The following PIEZO1 variants were observed in gnomAD, a reference collection of about 807,000 sequenced individuals.
PIEZO1 encodes piezo type mechanosensitive ion channel component 1 (Er blood group).
PIEZO1 carries 296 observed loss-of-function variants against 297.2 expected under a neutral mutation model. The ratio of observed to expected loss-of-function variants is 1.00; its 90% CI spans 0.91 to 1.10. The LOEUF (loss-of-function observed/expected upper bound fraction) is 1.10. PIEZO1 is among the 50% of genes least tolerant of loss of function. PIEZO1 has a pLI of 0.00. For missense variants in PIEZO1, 5,018 were observed against 3,455.5 expected, an observed-to-expected ratio of 1.45 and a Z score of -11.34; for synonymous variants, 2,427 against 1,507.5, an observed-to-expected ratio of 1.61 and a Z score of -14.13.
chr16:88,725,443 C>T lies in PIEZO1; in HGVS notation c.4135G>A (p.Gly1379Ser). The change falls in exon 29 of 51, where the codon GGC becomes AGC. Residue 1379 changes from glycine to serine, a missense_variant. Gly to Ser is a moderately conservative substitution (Grantham distance 56). Coordinates refer to ENST00000301015, the MANE Select transcript of PIEZO1 (RefSeq NM_001142864.4). ...VDRSRPQDTL[G>S]PKDPGLEPGP... Reference sequence around the variant, plus strand: ...GGCTCCAGGCCGGGGTCCTTGGGGCCCAGGGTGTCCTGGGGGCGACTGCGG... The same window carrying T: ...GGCTCCAGGCCGGGGTCCTTGGGGCTCAGGGTGTCCTGGGGGCGACTGCGG... 6.8e-7 allele frequency: 1 copy of T among 1,481,346 alleles called. No homozygotes were observed. The highest frequency in any genetic ancestry group is 9.0e-7 in the Non-Finnish European group (1 of 1,113,492). 91.8% of individuals were successfully genotyped at this position (1,481,346 alleles called of 1,614,324 possible). A position where few individuals can be genotyped will look rare whatever the true frequency, so the allele number is the denominator to read the frequency against.
chr16:88,756,375 C>G (rs937988595), intron 1 of PIEZO1, among the ~76,000 whole-genome samples: 2 of 152,172 alleles, frequency 1.3e-5, no homozygotes, highest in Admixed American at 6.5e-5. Flanking sequence ...GCACTGGCCA[C>G]TGATGGGGCG....
chr16:88,778,589 C>T (rs938770193), intron 1 of PIEZO1, among the ~76,000 whole-genome samples: 2 of 152,224 alleles, frequency 1.3e-5, no homozygotes, highest in South Asian at 2.1e-4. Flanking sequence ...TGGCAGCGCC[C>T]GGCAGGACAG....
chr16:88,746,220 C>T (rs1427577451), intron 2 of PIEZO1, among the ~76,000 whole-genome samples: 1 of 152,112 alleles, frequency 6.6e-6, no homozygotes, highest in African/African-American at 2.4e-5. Context: ...CTACACAAGG[C>T]TGGCAGAGCC....
chr16:88,733,291 C>T lies in PIEZO1; in HGVS notation c.2651G>A (p.Ser884Asn). Residue 884 changes from serine (S) to asparagine (N), a missense_variant, in exon 19 of 51, where the codon AGC becomes AAC. Ser to Asn is a conservative substitution (Grantham distance 46). Coordinates refer to ENST00000301015, the MANE Select transcript of PIEZO1 (RefSeq NM_001142864.4). ...LKVVNPQEYS[S>N]NCTEPFPNST... ...GGGGGCCGGTACCTCGGTGCAGTTG[C>T]TGGAATACTCCTGGGGGTTGACAAC... 3 of 1,542,458 alleles carry T rather than the reference C, an allele frequency of 1.9e-6. No individual in the cohort carries two copies. The highest frequency in any genetic ancestry group is 2.6e-6 in the Non-Finnish European group (3 of 1,140,360).
chr16:88,765,316 G>A (rs1264323422), intron 1 of PIEZO1, among the ~76,000 whole-genome samples: 4 of 152,216 alleles, frequency 2.6e-5, no homozygotes, highest in Admixed American at 2.6e-4. Context: ...ACTCCCTTCA[G>A]AACCTTGCTT....
Position 88,726,578 on chromosome 16 carries a change from G to A in PIEZO1, c.3765C>T (p.Ser1255=), listed in dbSNP as rs747031341. The change falls in exon 26 of 51, where the codon AGC becomes AGT. Residue 1255 remains serine (S), a synonymous_variant. Coordinates refer to ENST00000301015, the MANE Select transcript of PIEZO1 (RefSeq NM_001142864.4). The part of the protein sequence containing the change: ...TGFCWVIQLF[S]LVCTVKGYYD... ...AGTAGCCCTTGACGGTGCATACAAG[G>A]CTGAAGAGCTGGATGACCCAGCAGA... The A allele has an allele frequency of 3.2e-6, 5 of 1,550,136 alleles. No individual in the cohort carries two copies. The East Asian group carries it at 7.3e-5, about 23-fold the overall frequency.
At chr16:88,729,526 A>G (rs1597452569) in intron 22 of PIEZO1, among the ~76,000 whole-genome samples, 6 of 129,426 alleles carry the variant, frequency 4.6e-5, no homozygotes, top group Non-Finnish European at 8.5e-5. Context: ...AACCCAGGAC[A>G]TGCTGAACCC....
chr16:88,743,871 T>C, intron 2 of PIEZO1: 2 of 321,042 alleles, frequency 6.2e-6, no homozygotes, highest in South Asian at 4.7e-5. Flanking sequence ...CTGTGGAGGA[T>C]GGGAGGGGTG....
At chr16:88,730,020 G>A (rs1238493035) in intron 22 of PIEZO1, among the ~76,000 whole-genome samples, 1 of 152,282 alleles carries the variant, frequency 6.6e-6, no homozygotes, top group Admixed American at 6.5e-5. Context: ...AGGGGAGCTG[G>A]CCTAGGTGAC....
In PIEZO1 at chr16:88,727,549, G is replaced by A. The variant is rs1012481497; in HGVS notation, c.3301+8C>T. On this transcript the variant is annotated splice_region_variant and intron_variant, in intron 23 of 50. Coordinates refer to ENST00000301015, the MANE Select transcript of PIEZO1 (RefSeq NM_001142864.4). ...TCTGCAGAGGCGGGGGTGGTGGGGG[G>A]CACTCACTGATGAGGTTGGTGGAGT... The A allele has an allele frequency of 5.3e-5, 64 of 1,198,978 alleles. No individual in the cohort carries two copies. Among genetic ancestry groups the A allele is most frequent in the Non-Finnish European group, 7.1e-5 (60 of 846,738 alleles). 74.3% of individuals were successfully genotyped at this position (1,198,978 alleles called of 1,614,324 possible).
At position 88,720,690 on chromosome 16, in the gene PIEZO1, T is replaced by C. The variant is rs945128273; in HGVS notation, c.5727A>G (p.Arg1909=). Residue 1909 remains arginine (R), a synonymous_variant, in exon 40 of 51, where the codon AGA becomes AGG. Transcript: ENST00000301015. The part of the protein sequence containing the change: ...GEEEKEAPTG[R]EKRPSRSGGR... ...CTCCAGAGCGGCTTGGCCTCTTCTCTCTCCCCGTGGGGGCCTCTTTCTCTT... is the reference window on the plus strand; with the variant it reads ...CTCCAGAGCGGCTTGGCCTCTTCTCCCTCCCCGTGGGGGCCTCTTTCTCTT... The C allele has an allele frequency of 1.3e-6, 2 of 1,541,772 alleles. No individual in the cohort carries two copies. The highest frequency in any genetic ancestry group is 1.7e-6 in the Non-Finnish European group (2 of 1,143,066).
chr16:88,732,593 G>C lies in PIEZO1; in HGVS notation c.2790+14C>G. The C allele has an allele frequency of 6.5e-7, 1 of 1,546,444 alleles. No individual in the cohort carries two copies. The highest frequency in any genetic ancestry group is 1.2e-5 in the South Asian group (1 of 83,868). ...TACTCGCCCGCCCAGCCGCCCACCAGCCCTTCAACTCACCTGGATGTAGCC... is the reference window on the plus strand; with the variant it reads ...TACTCGCCCGCCCAGCCGCCCACCACCCCTTCAACTCACCTGGATGTAGCC... On this transcript the variant is annotated intron_variant, in intron 20 of 50. Transcript: ENST00000301015.
chr16:88,770,846 A>T (rs1442246450), intron 1 of PIEZO1, among the ~76,000 whole-genome samples: 1 of 152,214 alleles, frequency 6.6e-6, no homozygotes, highest in Non-Finnish European at 1.5e-5. Flanking sequence ...GCTGGGCCTC[A>T]TGTCCTCACC....
rs1415722102 is a variant in PIEZO1 at position 88,734,870 on chromosome 16, G to C, written c.1848+5C>G. 6.5e-7 allele frequency: 1 copy of C among 1,549,930 alleles called. No homozygotes were observed. The highest frequency in any genetic ancestry group is 8.7e-7 in the Non-Finnish European group (1 of 1,146,766). ...CCCCAGCCCCCATCCCGGCCCCCCA[G>C]CCACCTGGAAGAGGGTGAGGCAGAG... is the stretch of plus-strand genomic sequence containing the variant. On this transcript the variant is annotated splice_donor_5th_base_variant and intron_variant, in intron 14 of 50. Coordinates refer to ENST00000301015, the MANE Select transcript of PIEZO1 (RefSeq NM_001142864.4).
At chr16:88,778,862 G>T (rs1368927203) in intron 1 of PIEZO1, among the ~76,000 whole-genome samples, 1 of 152,172 alleles carries the variant, frequency 6.6e-6, no homozygotes, top group Admixed American at 6.5e-5. Flanking sequence ...CGAGGCACAA[G>T]GCTGTGGCCC....
chr16:88,716,936 G>T (rs772858668), intron 45 of PIEZO1, 38 bp from the exon 46 acceptor site: 6 of 1,545,066 alleles, frequency 3.9e-6, no homozygotes, highest in Non-Finnish European at 4.4e-6. Flanking sequence ...ACGAAGATGA[G>T]CGTGGAGGAG....
rs1567666447 is a variant in PIEZO1 at position 88,726,815 on chromosome 16, C to T, written c.3599G>A (p.Gly1200Asp). Reference sequence around the variant, plus strand: ...TGTGTCCCTCTGCAGCAGGGCCGTGCCGAAGAGCAGCAGGTAGAAGCAGGC... The same window carrying T: ...TGTGTCCCTCTGCAGCAGGGCCGTGTCGAAGAGCAGCAGGTAGAAGCAGGC... ...LLACFYLLLF[G>D]TALLQRDTRA... Residue 1200 changes from glycine (G) to aspartate (D), a missense_variant, in exon 25 of 51, where the codon GGC (glycine) becomes GAC (aspartate). Gly to Asp is a moderately conservative substitution (Grantham distance 94). Coordinates refer to ENST00000301015, the MANE Select transcript of PIEZO1 (RefSeq NM_001142864.4). The T allele has an allele frequency of 7.1e-6, 11 of 1,550,284 alleles. No homozygotes were observed. The highest frequency in any genetic ancestry group is 9.6e-6 in the Non-Finnish European group (11 of 1,146,940).
At chr16:88,746,443 T>C (rs1236231924) in intron 2 of PIEZO1, among the ~76,000 whole-genome samples, 1 of 151,978 alleles carries the variant, frequency 6.6e-6, no homozygotes, top group Non-Finnish European at 1.5e-5. Flanking sequence ...AGCACCAGGG[T>C]CTGTTCCCTC....
rs1211179308 is a variant in PIEZO1 at position 88,715,376 on chromosome 16, T to A, written c.*229A>T. ...TTGTATAAATAAAACATTTTTTAAT[T>A]AAAAAAAAAACTCTACAGTACACGT... On this transcript the variant is annotated 3_prime_UTR_variant, in exon 51 of 51. Coordinates refer to ENST00000301015, the MANE Select transcript of PIEZO1 (RefSeq NM_001142864.4). 1 of 1,087,754 alleles carries A rather than the reference T, an allele frequency of 9.2e-7. No homozygotes were observed. Among genetic ancestry groups the A allele is most frequent in the Non-Finnish European group, 1.3e-6 (1 of 789,736 alleles). The allele number at this position is 1,087,754 out of a possible 1,614,324, so 67.4% of individuals were successfully genotyped here.
Sources: gnomAD v4.1 joint callset for allele counts (sites outside exome capture counted in the v4.1 genomes callset) on GRCh38, gnomAD v4.1.1 for gene constraint, MANE v1.5 for transcripts, NCBI Gene and HGNC (gene_info 2026-07-23, HGNC 2026-07-21) for gene names.